Variants in TCF7L1 observed in about 807,000 individuals in gnomAD.
The protein encoded by TCF7L1 is transcription factor 7-like 1.
TCF7L1 carries 18 observed loss-of-function variants against 63.7 expected under a neutral mutation model. The observed-to-expected ratio is 0.28, with a 90% confidence interval of 0.20 to 0.42. TCF7L1 has a LOEUF of 0.42. TCF7L1 is among the 10% of genes least tolerant of loss of function. TCF7L1 has a pLI of 1.00. For missense variants in TCF7L1, 654 were observed against 779.3 expected, an observed-to-expected ratio of 0.84 and a Z score of 1.91; for synonymous variants, 355 against 340.9, an observed-to-expected ratio of 1.04 and a Z score of -0.46.
intron 11 of TCF7L1, 102 bp downstream of exon 11, chr2:85,307,819 C>T (rs960834874): frequency 2.2e-5 from 23 of 1,062,022 alleles, no homozygotes; most frequent in African/African-American, 9.5e-5. Context: ...GCTTCTGCCT[C>T]GGTATTCGCG....
chr2:85,211,273 A>G (rs777529915), intron 3 of TCF7L1, among the ~76,000 whole-genome samples: 1 of 152,212 alleles, frequency 6.6e-6, no homozygotes, highest in African/African-American at 2.4e-5. Flanking sequence ...ACTATCAACA[A>G]TATGTACATC....
At chr2:85,189,671 G>A (rs914164587) in intron 3 of TCF7L1, among the ~76,000 whole-genome samples, 2 of 152,150 alleles carry the variant, frequency 1.3e-5, no homozygotes, top group Non-Finnish European at 2.9e-5. Flanking sequence ...GGCAAACCCC[G>A]GGGCTGGAGC....
At position 85,190,758 on chromosome 2, in the gene TCF7L1, C is replaced by T. The variant is rs1679024669; in HGVS notation, c.441+56308C>T. 2.0e-5 allele frequency among the ~76,000 whole-genome samples: 3 copies of T among 152,220 alleles called. No homozygotes were observed. In the South Asian group the frequency reaches 6.2e-4, roughly 32 times the overall value. ...AACTTACTGGACTAAGAGCTTTGTA[C>T]ATAATACTTCACTGACTTAAGCTGT... On this transcript the variant is annotated intron_variant, in intron 3 of 11. Transcript: ENST00000282111.
chr2:85,294,737 A>G (rs151193467), intron 4 of TCF7L1, among the ~76,000 whole-genome samples: 2 of 152,272 alleles, frequency 1.3e-5, no homozygotes, highest in Non-Finnish European at 2.9e-5. Context: ...TTTCCCTTTT[A>G]CAACTGTACA....
chr2:85,301,113 C>T (rs1473976878), intron 4 of TCF7L1, among the ~76,000 whole-genome samples: 1 of 152,178 alleles, frequency 6.6e-6, no homozygotes. Context: ...CTCTTCTCCA[C>T]TTGTAACTCA....
chr2:85,235,123 G>C (rs1680163623), intron 3 of TCF7L1, among the ~76,000 whole-genome samples: 1 of 152,104 alleles, frequency 6.6e-6, no homozygotes, highest in African/African-American at 2.4e-5. Context: ...ATGGAAACCA[G>C]AGCTTACTGA....
At chr2:85,235,847 G>T (rs1573003370) in intron 3 of TCF7L1, among the ~76,000 whole-genome samples, 1 of 152,124 alleles carries the variant, frequency 6.6e-6, no homozygotes, top group African/African-American at 2.4e-5. Flanking sequence ...CATAGGGAAA[G>T]TCTGTCTCTA....
chr2:85,168,877 T>TC (rs1678482303), intron 3 of TCF7L1, among the ~76,000 whole-genome samples: 1 of 152,152 alleles, frequency 6.6e-6, no homozygotes, highest in Non-Finnish European at 1.5e-5. Context: ...CACCTCGGCC[T>TC]CCCAAAGTGC....
rs919182692 is a variant in TCF7L1, at chr2:85,309,952, G to A, written c.*490G>A. 4 of 153,792 alleles carry A rather than the reference G, an allele frequency of 2.6e-5. No individual in the cohort carries two copies. Among genetic ancestry groups the A allele is most frequent in the African/African-American group, 7.2e-5 (3 of 41,514 alleles). The allele number at this position is 153,792 out of a possible 1,614,324, so 9.5% of individuals were successfully genotyped here. A position where few individuals can be genotyped will look rare whatever the true frequency, so the allele number is the denominator to read the frequency against. On this transcript the variant is annotated 3_prime_UTR_variant, in exon 12 of 12. Coordinates refer to ENST00000282111, the MANE Select transcript of TCF7L1 (RefSeq NM_031283.3). ...CTGCCCAGTGTGAGGCCATCACCAT[G>A]TGAGAAGACATCTTGGCCTGATTTG...
intron 3 of TCF7L1, among the ~76,000 whole-genome samples, chr2:85,245,468 G>C (rs1680438707): frequency 6.6e-6 from 1 of 152,148 alleles, no homozygotes; most frequent in Admixed American, 6.5e-5. Context: ...ATGGGGACCT[G>C]GAACCATGTG....
At chr2:85,183,451 T>C (rs911854775) in intron 3 of TCF7L1, among the ~76,000 whole-genome samples, 1 of 152,184 alleles carries the variant, frequency 6.6e-6, no homozygotes, top group Non-Finnish European at 1.5e-5. Context: ...TCATTGGACC[T>C]GATGGACTTT....
In TCF7L1 at chr2:85,302,359, T is replaced by G. The variant is rs867801015; in HGVS notation, c.526-125T>G. ...TCCACTGCTGTCATCTCTCAGGGAC[T>G]GTTTTGAGGACTGAATGGGATGTTG... On this transcript the variant is annotated intron_variant, in intron 4 of 11. Transcript: ENST00000282111. The G allele has an allele frequency of 7.0e-5, 93 of 1,325,170 alleles. No individual in the cohort carries two copies. In the Middle Eastern group the frequency reaches 4.2e-3, roughly 60 times the overall value. 82.1% of individuals were successfully genotyped at this position (1,325,170 alleles called of 1,614,324 possible). A position where few individuals can be genotyped will look rare whatever the true frequency, so the allele number is the denominator to read the frequency against.
chr2:85,202,146 T>A (rs1679286824), intron 3 of TCF7L1, among the ~76,000 whole-genome samples: 1 of 152,034 alleles, frequency 6.6e-6, no homozygotes, highest in Admixed American at 6.5e-5. Context: ...GTATTTTTAG[T>A]AGAGATGGGG....
intron 3 of TCF7L1, among the ~76,000 whole-genome samples, chr2:85,204,185 T>C (rs970335182): frequency 2.0e-5 from 3 of 152,062 alleles, no homozygotes; most frequent in African/African-American, 4.8e-5. Flanking sequence ...ATTTGGTGTG[T>C]GTTCTTCCTG....
At position 85,309,423 on chromosome 2, in the gene TCF7L1, G is replaced by T. The variant is rs1682222224; in HGVS notation, c.1728G>T (p.Gln576His). ...LHAHQALPVLQAQPLSLVTKS... is the reference protein window; with the variant it reads ...LHAHQALPVLHAQPLSLVTKS... ...CCCACCAGGCCCTCCCGGTGCTACA[G>T]GCCCAGCCTCTTTCCCTGGTCACCA... Residue 576 changes from glutamine to histidine, a missense_variant, in exon 12 of 12, where the codon CAG becomes CAT. By Grantham distance (24) the Gln-to-His change is conservative. Coordinates refer to ENST00000282111, the MANE Select transcript of TCF7L1 (RefSeq NM_031283.3). 1 of 1,558,894 alleles carries T rather than the reference G, an allele frequency of 6.4e-7. No homozygotes were observed. Among genetic ancestry groups the T allele is most frequent in the African/African-American group, 1.4e-5 (1 of 73,510 alleles).
intron 3 of TCF7L1, chr2:85,187,399 G>A (rs1311349131): frequency 1.3e-5 from 2 of 152,176 alleles, no homozygotes; most frequent in African/African-American, 4.8e-5. Context: ...CAGAATTATA[G>A]AACTCAGATG....
At chr2:85,269,550 G>A (rs1462555290) in intron 3 of TCF7L1, among the ~76,000 whole-genome samples, 4 of 152,096 alleles carry the variant, frequency 2.6e-5, no homozygotes, top group African/African-American at 4.8e-5. Context: ...TGAACTCCTG[G>A]GCTCAGGTGA....
chr2:85,144,959 C>G (rs1176228949), intron 3 of TCF7L1, among the ~76,000 whole-genome samples: 3 of 151,790 alleles, frequency 2.0e-5, no homozygotes, highest in Non-Finnish European at 4.4e-5. Flanking sequence ...GTAGCACACA[C>G]CTATAATCCC....
At chr2:85,153,655 T>G (rs1678075736) in intron 3 of TCF7L1, among the ~76,000 whole-genome samples, 1 of 152,126 alleles carries the variant, frequency 6.6e-6, no homozygotes, top group African/African-American at 2.4e-5. Flanking sequence ...TCTATAAAAT[T>G]TAATCTCTAC....
Sources: allele counts gnomAD v4.1 joint callset (sites outside exome capture counted in the v4.1 genomes callset), GRCh38; gene constraint gnomAD v4.1.1; transcripts MANE v1.5; gene names NCBI Gene and HGNC (gene_info 2026-07-23, HGNC 2026-07-21).